The following UBA6 variants were observed in gnomAD, a reference collection of about 807,000 sequenced individuals.
UBA6 encodes the protein ubiquitin like modifier activating enzyme 6, also known as ubiquitin-like modifier-activating enzyme 6.
UBA6 carries 87 observed loss-of-function variants against 148.3 expected under a neutral mutation model. That is an observed-to-expected ratio of 0.59 (90% confidence interval 0.49 to 0.70). The LOEUF (loss-of-function observed/expected upper bound fraction) is 0.70, where lower values mean the gene tolerates loss of function less well. UBA6 is among the 30% of genes least tolerant of loss of function. UBA6 has a pLI of 0.00. For missense variants in UBA6, 1,186 were observed against 1,241.2 expected (o/e 0.96, Z 0.67); for synonymous variants, 376 against 401.0 (o/e 0.94, Z 0.75).
rs777085144 is a variant in UBA6, at chr4:67,629,033, C to T, written c.2400+38G>A. 11 of 1,451,436 alleles carry T rather than the reference C, an allele frequency of 7.6e-6. No individual in the cohort carries two copies. In the East Asian group the frequency reaches 2.3e-4, roughly 30 times the overall value. The allele number at this position is 1,451,436 out of a possible 1,614,324, so 89.9% of individuals were successfully genotyped here. ...TGGGACTTGGTACAAGTCCAAATTC[C>T]CAAACTATTTGCTGAATGAATGATT... On this transcript the variant is annotated intron_variant, in intron 27 of 32. Coordinates refer to ENST00000322244, the MANE Select transcript of UBA6 (RefSeq NM_018227.6).
chr4:67,690,230 T>C (rs982834305), intron 2 of UBA6, among the ~76,000 whole-genome samples: 3 of 152,114 alleles, frequency 2.0e-5, no homozygotes, highest in Non-Finnish European at 2.9e-5. Flanking sequence ...CTTCAATAAA[T>C]GGTGCTGGGA....
At chr4:67,637,812 A>G (rs995603481) in intron 19 of UBA6, among the ~76,000 whole-genome samples, 13 of 152,224 alleles carry the variant, frequency 8.5e-5, no homozygotes, top group Admixed American at 5.9e-4. Context: ...GGTAGGCCAC[A>G]GGGTCCTCTG....
intron 22 of UBA6, among the ~76,000 whole-genome samples, chr4:67,633,869 T>C (rs1220307507): frequency 2.6e-5 from 4 of 152,090 alleles, no homozygotes; most frequent in African/African-American, 9.7e-5. Flanking sequence ...ATAAGAGTAA[T>C]AAGTCTTGGA....
Position 67,616,253 on chromosome 4 carries a change from T to C in UBA6, c.*2744A>G. On this transcript the variant is annotated 3_prime_UTR_variant, in exon 33 of 33. Coordinates refer to ENST00000322244, the MANE Select transcript of UBA6 (RefSeq NM_018227.6). Reference sequence around the variant, plus strand: ...TCCATACACAGTGATTATATAAAATTAGATATTTGCAATCACAATGAATAT... The same window carrying C: ...TCCATACACAGTGATTATATAAAATCAGATATTTGCAATCACAATGAATAT... The C allele has an allele frequency of 2.5e-6, 1 of 393,674 alleles. No individual in the cohort carries two copies. The highest frequency in any genetic ancestry group is 4.5e-6 in the Non-Finnish European group (1 of 222,820). The allele number at this position is 393,674 out of a possible 1,614,324, so 24.4% of individuals were successfully genotyped here.
intron 6 of UBA6, among the ~76,000 whole-genome samples, chr4:67,677,212 A>T (rs1010197814): frequency 6.6e-6 from 1 of 152,212 alleles, no homozygotes; most frequent in Non-Finnish European, 1.5e-5. Flanking sequence ...CCATGAGAAC[A>T]TGACCTAGGT....
intron 32 of UBA6, among the ~76,000 whole-genome samples, chr4:67,620,908 C>T (rs1416130873): frequency 6.6e-6 from 1 of 152,130 alleles, no homozygotes; most frequent in East Asian, 1.9e-4. Flanking sequence ...TTTCTAAAGC[C>T]AACCTCATGC....
rs1415761757 is a variant in UBA6, at chr4:67,625,151, T to C, written c.2555A>G (p.Asp852Gly). 1.9e-6 allele frequency: 3 copies of C among 1,611,814 alleles called. No homozygotes were observed. In the South Asian group the frequency reaches 3.3e-5, roughly 18 times the overall value. ...ATCTATGTGTCCATTATGATCATCA[T>C]CTTTTTCAAATGAAAGCACTGCCAT... ...LQMAVLSFEK[D>G]DDHNGHIDFI... is the part of the protein sequence containing the mutation. Residue 852 changes from aspartate to glycine, a missense_variant, in exon 29 of 33, where the codon GAT becomes GGT. Asp to Gly is a moderately conservative substitution (Grantham distance 94). Coordinates refer to ENST00000322244, the MANE Select transcript of UBA6 (RefSeq NM_018227.6).
intron 27 of UBA6, among the ~76,000 whole-genome samples, 170 bp from the exon 28 acceptor site, chr4:67,626,647 TTA>T (rs1728876580): frequency 6.6e-6 from 1 of 151,942 alleles, no homozygotes; most frequent in Non-Finnish European, 1.5e-5. Context: ...GAAGGTATTA[TTA>T]TGTTATTCAT....
chr4:67,663,031 T>G (rs1384771137), intron 12 of UBA6, 108 bp downstream of exon 12: 2 of 685,992 alleles, frequency 2.9e-6, no homozygotes, highest in African/African-American at 3.7e-5. Context: ...GCTTGGTATA[T>G]CTATTGGTAT....
rs75155978 is a variant in UBA6 at position 67,619,784 on chromosome 4, C to T, written c.3024-652G>A. ...ACATTCTTAGCTTTTTCCCTTATGT[C>T]CAATCTTTATCCTATTTACTGAAAA... On this transcript the variant is annotated intron_variant, in intron 32 of 32. Transcript: ENST00000322244. Among the ~76,000 whole-genome samples the T allele has an allele frequency of 2.0e-5, 3 of 152,176 alleles. No individual in the cohort carries two copies. The East Asian group carries it at 5.8e-4, about 29-fold the overall frequency.
chr4:67,656,274 T>G (rs1463405072), intron 13 of UBA6, among the ~76,000 whole-genome samples: 1 of 151,904 alleles, frequency 6.6e-6, no homozygotes, highest in African/African-American at 2.4e-5. Flanking sequence ...TGAACATTGA[T>G]GCAAAAATAA....
chr4:67,623,920 C>T (rs1255444498), intron 30 of UBA6, among the ~76,000 whole-genome samples: 1 of 151,938 alleles, frequency 6.6e-6, no homozygotes, highest in Non-Finnish European at 1.5e-5. Flanking sequence ...AATAATGTGG[C>T]AGATAAAGTG....
chr4:67,696,999 GT>G (rs796530137), intron 1 of UBA6, among the ~76,000 whole-genome samples: 1 of 151,656 alleles, frequency 6.6e-6, no homozygotes, highest in Non-Finnish European at 1.5e-5. Flanking sequence ...TGTTGTTGTT[GT>G]TTGTTTGTTT....
At chr4:67,671,981 C>T (rs1257894807) in intron 7 of UBA6, among the ~76,000 whole-genome samples, 1 of 151,916 alleles carries the variant, frequency 6.6e-6, no homozygotes. Context: ...TAGGCCCCCA[C>T]CCCACCCCAC....
chr4:67,683,321 T>C (rs1020081347), intron 2 of UBA6, among the ~76,000 whole-genome samples: 2 of 152,200 alleles, frequency 1.3e-5, no homozygotes, highest in African/African-American at 4.8e-5. Context: ...GTGTCTTTTA[T>C]CTTGTTTCTT....
At chr4:67,684,322 T>C (rs1221242077) in intron 2 of UBA6, among the ~76,000 whole-genome samples, 1 of 152,182 alleles carries the variant, frequency 6.6e-6, no homozygotes, top group Non-Finnish European at 1.5e-5. Flanking sequence ...ATAAAACCCA[T>C]TAATATTTAG....
At position 67,667,402 on chromosome 4, in the gene UBA6, C is replaced by G. The variant is rs151318601; in HGVS notation, c.793+1149G>C. On this transcript the variant is annotated intron_variant, in intron 9 of 32. Transcript: ENST00000322244. The stretch of plus-strand genomic sequence containing the variant: ...CTGTATTTAAAATAATTAGATGTAG[C>G]TGGCAAACAAAATCAAATAGTTTTG... Among the ~76,000 whole-genome samples the G allele has an allele frequency of 7.9e-3, 1,203 of 152,060 alleles. 16 individuals carry two copies. Among genetic ancestry groups the G allele is most frequent in the African/African-American group, 0.028 (1,148 of 41,482 alleles).
chr4:67,644,138 T>A (rs895414952), intron 17 of UBA6, among the ~76,000 whole-genome samples: 2 of 152,080 alleles, frequency 1.3e-5, no homozygotes, highest in African/African-American at 4.8e-5. Context: ...TGGAAGACAG[T>A]TTATCTTAAA....
Position 67,639,144 on chromosome 4 carries a change from A to G in UBA6, c.1555-20T>C, listed in dbSNP as rs781548359. On this transcript the variant is annotated intron_variant, in intron 18 of 32. Transcript: ENST00000322244. ...AGGTTTCTAAACAAATAATATAAGC[A>G]GAAGGAATATGTTAAACAACAAAAA... 1 of 1,586,640 alleles carries G rather than the reference A, an allele frequency of 6.3e-7. No individual in the cohort carries two copies. Among genetic ancestry groups the G allele is most frequent in the Non-Finnish European group, 8.6e-7 (1 of 1,164,876 alleles).
Sources: allele counts gnomAD v4.1 joint callset (sites outside exome capture counted in the v4.1 genomes callset), GRCh38; gene constraint gnomAD v4.1.1; transcripts MANE v1.5; gene names NCBI Gene and HGNC (gene_info 2026-07-23, HGNC 2026-07-21).